Variants in FAM83F observed in about 807,000 individuals in gnomAD.
The protein encoded by FAM83F is protein FAM83F.
FAM83F carries 45 observed loss-of-function variants against 42.9 expected under a neutral mutation model. The ratio of observed to expected loss-of-function variants is 1.05; its 90% CI spans 0.83 to 1.35. FAM83F has a LOEUF of 1.35. FAM83F is among the 40% of genes most tolerant of loss of function. FAM83F has a pLI of 0.00. For missense variants in FAM83F, 617 were observed against 695.9 expected (o/e 0.89, Z 1.28); for synonymous variants, 306 against 298.3 (o/e 1.03, Z -0.27).
chr22:40,009,041 T>G (rs1396233027), intron 1 of FAM83F, among the ~76,000 whole-genome samples: 3 of 151,906 alleles, frequency 2.0e-5, no homozygotes, highest in African/African-American at 7.3e-5. Flanking sequence ...ATGTGGGGAG[T>G]TCCCCCCATT....
Position 40,021,846 on chromosome 22 carries a change from C to T in FAM83F, c.1336C>T (p.Arg446Ter), listed in dbSNP as rs773878469. Residue 446 changes from arginine to a stop codon, truncating the protein, a stop_gained, in exon 4 of 5, where the codon CGA becomes TGA. Coordinates refer to ENST00000333407, the MANE Select transcript of FAM83F (RefSeq NM_138435.4). LOFTEE classifies it high-confidence loss of function. The surrounding 1 kb of genome is among the most constrained non-coding windows in gnomAD (Gnocchi z 8.7). ...CTTCAGCAGCAGGCTCTTCAGTCGC[C>T]GAGCCAAGAGGCCTGCGGCGCCCAA... ...RRFSSRLFSRRAKRPAAPNGM... is the reference protein window; with the variant it reads ...RRFSSRLFSR 62 of 1,612,370 alleles carry T rather than the reference C, an allele frequency of 3.8e-5. No individual in the cohort carries two copies. The highest frequency in any genetic ancestry group is 4.5e-5 in the Non-Finnish European group (53 of 1,179,656).
intron 1 of FAM83F, among the ~76,000 whole-genome samples, chr22:40,015,928 G>C (rs2067490164): frequency 6.6e-6 from 1 of 152,190 alleles, no homozygotes; most frequent in South Asian, 2.1e-4. Context: ...GTGGGGCTCA[G>C]GAAGAATTCA....
chr22:40,028,855 C>T (rs8142014), intron 4 of FAM83F, among the ~76,000 whole-genome samples: 3,674 of 152,338 alleles, frequency 0.024, 146 homozygotes, highest in African/African-American at 0.083. Flanking sequence ...TCCTGAGGCG[C>T]CAGCTTTCCT....
chr22:39,995,882 A>T lies in FAM83F; in HGVS notation c.489+351A>T, dbSNP rs2067371830. Among the ~76,000 whole-genome samples, 1 of 152,184 alleles carries T rather than the reference A, an allele frequency of 6.6e-6. No individual in the cohort carries two copies. ...AATGCACCACTCAAAGGTCTTGATGATAACCTACGTGCTGCCCAGAACATA... is the reference window on the plus strand; with the variant it reads ...AATGCACCACTCAAAGGTCTTGATGTTAACCTACGTGCTGCCCAGAACATA... On this transcript the variant is annotated intron_variant, in intron 1 of 4. Transcript: ENST00000333407. This position sits in a 1 kb window ranked among gnomAD's most constrained non-coding sequence, Gnocchi z 4.6.
At position 40,021,341 on chromosome 22, in the gene FAM83F, A is replaced by G; in HGVS notation, c.831A>G (p.Thr277=). 6.3e-7 allele frequency: 1 copy of G among 1,590,884 alleles called. No individual in the cohort carries two copies. Among genetic ancestry groups the G allele is most frequent in the Non-Finnish European group, 8.6e-7 (1 of 1,164,260 alleles). The change falls in exon 4 of 5, where the codon ACA becomes ACG. Residue 277 remains threonine (T), a synonymous_variant. Transcript: ENST00000333407. The surrounding 1 kb of genome is among the most constrained non-coding windows in gnomAD (Gnocchi z 8.7). The part of the protein sequence containing the change: ...HVDRNLLLLL[T]GQNVEPFDTE... ...ACAGAAACCTCCTCCTGCTCCTGAC[A>G]GGACAGAACGTAGAGCCCTTTGACA...
chr22:40,019,149 A>C lies in FAM83F; in HGVS notation c.490-19A>C. ...GCGTGTAGACACCGTGTGCCTCACC[A>C]GTGCCTTTCCCCACCCAGGTCATTG... On this transcript the variant is annotated intron_variant, in intron 1 of 4. Transcript: ENST00000333407. The C allele has an allele frequency of 6.2e-7, 1 of 1,612,846 alleles. No homozygotes were observed. Among genetic ancestry groups the C allele is most frequent in the African/African-American group, 1.3e-5 (1 of 75,014 alleles).
At chr22:40,029,172 G>A (rs541600814) in intron 4 of FAM83F, among the ~76,000 whole-genome samples, 1 of 150,026 alleles carries the variant, frequency 6.7e-6, no homozygotes, top group African/African-American at 2.4e-5. Context: ...ACAAAAGAAT[G>A]GCTAGTCTGT....
At position 40,030,483 on chromosome 22, in the gene FAM83F, C is replaced by G. The variant is rs2067580069; in HGVS notation, c.*918C>G. On this transcript the variant is annotated 3_prime_UTR_variant, in exon 5 of 5. Coordinates refer to ENST00000333407, the MANE Select transcript of FAM83F (RefSeq NM_138435.4). ...ACAGGAGCATTTGCCTTTTCTCCCT[C>G]AACTCTAACGGGGTCCTCGGACCCC... The G allele has an allele frequency of 6.6e-6, 1 of 152,186 alleles. No individual in the cohort carries two copies. The highest frequency in any genetic ancestry group is 2.4e-5 in the African/African-American group (1 of 41,412). The allele number at this position is 152,186 out of a possible 1,614,324, so 9.4% of individuals were successfully genotyped here. A position where few individuals can be genotyped will look rare whatever the true frequency, so the allele number is the denominator to read the frequency against.
rs1426070842 is a variant in FAM83F at position 40,041,505 on chromosome 22, A to T, written c.*11940A>T. On this transcript the variant is annotated 3_prime_UTR_variant, in exon 5 of 5. Coordinates refer to ENST00000333407, the MANE Select transcript of FAM83F (RefSeq NM_138435.4). ...CTTAACATTCACACCAGGCTGAGTA[A>T]GCCCCAAAAGTCCTGCCATTGGCTC... 1 of 152,194 alleles carries T rather than the reference A, an allele frequency of 6.6e-6. No individual in the cohort carries two copies. Among genetic ancestry groups the T allele is most frequent in the Admixed American group, 6.5e-5 (1 of 15,270 alleles). The allele number at this position is 152,194 out of a possible 1,614,324, so 9.4% of individuals were successfully genotyped here. A position where few individuals can be genotyped will look rare whatever the true frequency, so the allele number is the denominator to read the frequency against.
rs777110834 is a variant in FAM83F at position 40,021,469 on chromosome 22, G to A, written c.959G>A (p.Arg320Gln). 28 of 1,605,292 alleles carry A rather than the reference G, an allele frequency of 1.7e-5. No individual in the cohort carries two copies. The Admixed American group carries it at 2.7e-4, about 15-fold the overall frequency. ...CTCCATTACTCCTCCACTGTGGCTC[G>A]AAAGCTTATCAACCCCAAGTACGCC... ...VGLHYSSTVA[R>Q]KLINPKYALV... Residue 320 changes from arginine to glutamine, a missense_variant, in exon 4 of 5, where the codon CGA becomes CAA. By Grantham distance (43) the Arg-to-Gln change is conservative (BLOSUM62 1). Transcript: ENST00000333407. This position sits in a 1 kb window ranked among gnomAD's most constrained non-coding sequence, Gnocchi z 8.7.
Position 40,030,457 on chromosome 22 carries a change from G to A in FAM83F, c.*892G>A, listed in dbSNP as rs2067579905. ...GGGGTGTGGGAGGCTGGGCCCTGAG[G>A]ACAGGAGCATTTGCCTTTTCTCCCT... On this transcript the variant is annotated 3_prime_UTR_variant, in exon 5 of 5. Coordinates refer to ENST00000333407, the MANE Select transcript of FAM83F (RefSeq NM_138435.4). 6.6e-6 allele frequency: 1 copy of A among 152,186 alleles called. No homozygotes were observed. The highest frequency in any genetic ancestry group is 2.4e-5 in the African/African-American group (1 of 41,412). The allele number at this position is 152,186 out of a possible 1,614,324, so 9.4% of individuals were successfully genotyped here.
chr22:40,028,473 G>C (rs1281638626), intron 4 of FAM83F, among the ~76,000 whole-genome samples: 1 of 152,194 alleles, frequency 6.6e-6, no homozygotes, highest in African/African-American at 2.4e-5. Flanking sequence ...AATAACACGA[G>C]CGCCTTCCAC....
chr22:40,014,139 T>C (rs1449469875), intron 1 of FAM83F, among the ~76,000 whole-genome samples: 1 of 147,584 alleles, frequency 6.8e-6, no homozygotes, highest in Non-Finnish European at 1.5e-5. Flanking sequence ...TTCTTTTTTT[T>C]TTTTTTTTTG....
chr22:40,023,673 C>A lies in FAM83F; in HGVS notation c.1453+1710C>A, dbSNP rs2067534651. 6.6e-6 allele frequency among the ~76,000 whole-genome samples: 1 copy of A among 152,194 alleles called. No homozygotes were observed. Among genetic ancestry groups the A allele is most frequent in the South Asian group, 2.1e-4 (1 of 4,820 alleles). ...CTCGGGTGGTCACGGCGGCCCTGCC[C>A]CTGCTGCCGCTCTCTGGTGTCTGCA... On this transcript the variant is annotated intron_variant, in intron 4 of 4. Coordinates refer to ENST00000333407, the MANE Select transcript of FAM83F (RefSeq NM_138435.4). This position sits in a 1 kb window ranked among gnomAD's most constrained non-coding sequence, Gnocchi z 4.1.
Position 40,029,604 on chromosome 22 carries a change from C to T in FAM83F, c.*39C>T. On this transcript the variant is annotated 3_prime_UTR_variant, in exon 5 of 5. Transcript: ENST00000333407. ...GGTGGGCAGGACGTGTGGATGCCTG[C>T]CTGCCCTGCCCTGTGCTGTGGAGAG... The T allele has an allele frequency of 6.3e-7, 1 of 1,599,052 alleles. No homozygotes were observed. The highest frequency in any genetic ancestry group is 8.5e-7 in the Non-Finnish European group (1 of 1,172,292).
rs767088134 is a variant in FAM83F, at chr22:40,021,801, G to A, written c.1291G>A (p.Glu431Lys). ...CGGCATGGGAGAAGCGGCCCGGGGG[G>A]AGGCCGCCCCCGCCAGGCGCTTCAG... ...RNGMGEAARG[E>K]AAPARRFSSR... Residue 431 changes from glutamate to lysine, a missense_variant, in exon 4 of 5, where the codon GAG (glutamate) becomes AAG (lysine). Coordinates refer to ENST00000333407, the MANE Select transcript of FAM83F (RefSeq NM_138435.4). This position sits in a 1 kb window ranked among gnomAD's most constrained non-coding sequence, Gnocchi z 8.7. 1.2e-6 allele frequency: 2 copies of A among 1,612,590 alleles called. No individual in the cohort carries two copies. Among genetic ancestry groups the A allele is most frequent in the Non-Finnish European group, 1.7e-6 (2 of 1,179,676 alleles).
chr22:40,006,012 G>C (rs1293994230), intron 1 of FAM83F, among the ~76,000 whole-genome samples: 1 of 152,214 alleles, frequency 6.6e-6, no homozygotes, highest in Admixed American at 6.5e-5. Flanking sequence ...GGCCGAGGCG[G>C]GCAGATCATT....
chr22:40,017,666 C>T (rs2067499480), intron 1 of FAM83F, among the ~76,000 whole-genome samples: 1 of 152,338 alleles, frequency 6.6e-6, no homozygotes, highest in African/African-American at 2.4e-5. Flanking sequence ...GCCTGGTCTG[C>T]CTGACTTTAG....
In FAM83F at chr22:39,995,633, A is replaced by C. The variant is rs1208178029; in HGVS notation, c.489+102A>C. ...GGGCCCGGGGCAGGCCGCCCTGAGC[A>C]CCCTCTGGAAAATGGGCCCCAACCC... is the stretch of plus-strand genomic sequence containing the variant. On this transcript the variant is annotated intron_variant, in intron 1 of 4. Transcript: ENST00000333407. The surrounding 1 kb of genome is among the most constrained non-coding windows in gnomAD (Gnocchi z 4.6). 2 of 1,431,470 alleles carry C rather than the reference A, an allele frequency of 1.4e-6. No individual in the cohort carries two copies. The highest frequency in any genetic ancestry group is 2.2e-4 in the Middle Eastern group (1 of 4,646). The allele number at this position is 1,431,470 out of a possible 1,614,324, so 88.7% of individuals were successfully genotyped here.
Sources: allele counts gnomAD v4.1 joint callset (sites outside exome capture counted in the v4.1 genomes callset), GRCh38; gene constraint gnomAD v4.1.1; non-coding constraint Gnocchi (gnomAD v3.1); transcripts MANE v1.5; gene names NCBI Gene and HGNC (gene_info 2026-07-23, HGNC 2026-07-21).